Variants in CNOT9 observed in about 807,000 individuals in gnomAD.
CNOT9 encodes the protein CCR4-NOT transcription complex subunit 9.
A neutral mutation model predicts 37.4 loss-of-function variants in CNOT9; 8 were observed. The observed-to-expected ratio is 0.21, with a 90% CI of 0.13 to 0.39. CNOT9 has a LOEUF of 0.39. Among genes scored for constraint, CNOT9 ranks in the 10% least tolerant of loss-of-function variants. The pLI is 1.00. For synonymous variants in CNOT9, 120 were observed against 137.6 expected (o/e 0.87, Z 0.90); for missense variants, 154 against 365.3 (o/e 0.42, Z 4.71).
rs139982727 is a variant in CNOT9, at chr2:218,593,842, A to C, written c.732-266A>C. ...TTTAATAAATCAGAAAGCTGTTTGA[A>C]TGGAAGTAAACTATTGAACCTTTTA... On this transcript the variant is annotated intron_variant, in intron 7 of 7. Coordinates refer to ENST00000273064, the MANE Select transcript of CNOT9 (RefSeq NM_005444.3). 7.4e-5 allele frequency: 90 copies of C among 1,215,746 alleles called. No individual in the cohort carries two copies. The African/African-American group carries it at 1.2e-3, about 17-fold the overall frequency. The allele number at this position is 1,215,746 out of a possible 1,614,324, so 75.3% of individuals were successfully genotyped here.
rs550223783 is a variant in CNOT9 at position 218,596,746 on chromosome 2, GA to G, written c.*2471del. The stretch of plus-strand genomic sequence containing the variant: ...GGCCAGAACTTAGTGCCAGTGTAGG[GA>G]GAGACTTCCATAGTGACAAGGTAAT... On this transcript the variant is annotated 3_prime_UTR_variant, in exon 8 of 8. Transcript: ENST00000273064. 12 of 152,346 alleles carry G rather than the reference GA, an allele frequency of 7.9e-5. No homozygotes were observed. Among genetic ancestry groups the G allele is most frequent in the African/African-American group, 2.6e-4 (11 of 41,578 alleles). 9.4% of individuals were successfully genotyped at this position (152,346 alleles called of 1,614,324 possible). A position where few individuals can be genotyped will look rare whatever the true frequency, so the allele number is the denominator to read the frequency against.
intron 4 of CNOT9, among the ~76,000 whole-genome samples, chr2:218,585,574 C>CA (rs35720728): frequency 0.67 from 94,040 of 141,014 alleles, 31,126 homozygotes; most frequent in East Asian, 0.89. Flanking sequence ...GAGGGAGACT[C>CA]AAAAAAAAAA....
intron 1 of CNOT9, among the ~76,000 whole-genome samples, chr2:218,575,715 T>A (rs1286549023): frequency 6.6e-6 from 1 of 152,148 alleles, no homozygotes; most frequent in African/African-American, 2.4e-5. Context: ...ATTTGATTCT[T>A]AAAGGGTCTG....
chr2:218,576,876 AGAACCGCTT>A (rs1694187375), intron 1 of CNOT9, among the ~76,000 whole-genome samples: 1 of 152,088 alleles, frequency 6.6e-6, no homozygotes, highest in African/African-American at 2.4e-5. Flanking sequence ...CTGAGGCAGA[AGAACCGCTT>A]GAACCTGGGA....
In CNOT9 at chr2:218,573,318, TAA is replaced by T. The variant is rs34596336; in HGVS notation, c.24+4359_24+4360del. On this transcript the variant is annotated intron_variant, in intron 1 of 7. Transcript: ENST00000273064. ...GGGCAACAAGAGCGAAACTCCATCT[TAA>T]AAAAAAAAAAAAAAAAAAGATACAT... is the stretch of plus-strand genomic sequence containing the variant. Among the ~76,000 whole-genome samples, 1,168 of 132,824 alleles carry T rather than the reference TAA, an allele frequency of 8.8e-3. 14 individuals are homozygous for T. Among genetic ancestry groups the T allele is most frequent in the South Asian group, 0.031 (127 of 4,128 alleles). The allele number at this position is 132,824 out of a possible 152,430, so 87.1% of individuals were successfully genotyped here.
rs533478770 is a variant in CNOT9 at position 218,576,137 on chromosome 2, C to G, written c.25-4424C>G. Among the ~76,000 whole-genome samples, 488 of 152,282 alleles carry G rather than the reference C, an allele frequency of 3.2e-3. 1 individual carries two copies. The highest frequency in any genetic ancestry group is 0.011 in the African/African-American group (469 of 41,542). On this transcript the variant is annotated intron_variant, in intron 1 of 7. Transcript: ENST00000273064. ...CCGTACCCCTTCTTCTACTGCCCGC[C>G]TCCTTTTAAAAAGATGTCAATTACA...
intron 1 of CNOT9, among the ~76,000 whole-genome samples, chr2:218,575,190 A>G (rs562579686): frequency 2.0e-5 from 3 of 152,264 alleles, no homozygotes; most frequent in Non-Finnish European, 2.9e-5. Context: ...TGTTCCAATT[A>G]TATACACATG....
intron 1 of CNOT9, among the ~76,000 whole-genome samples, chr2:218,577,755 T>C (rs904350279): frequency 2.0e-5 from 3 of 152,100 alleles, no homozygotes; most frequent in Non-Finnish European, 4.4e-5. Context: ...CTGGCTCCAG[T>C]AGGGATGATG....
chr2:218,579,146 TAAAA>T (rs997775077), intron 1 of CNOT9, among the ~76,000 whole-genome samples: 1 of 152,158 alleles, frequency 6.6e-6, no homozygotes, highest in Non-Finnish European at 1.5e-5. Flanking sequence ...TATGGTTTTT[TAAAA>T]AAAGTTTATG....
At chr2:218,575,627 A>G (rs113112327) in intron 1 of CNOT9, among the ~76,000 whole-genome samples, 6,926 of 150,926 alleles carry the variant, frequency 0.046, 437 homozygotes, top group African/African-American at 0.15. Flanking sequence ...ATGGTCTCAC[A>G]CTCCTGACCT....
intron 7 of CNOT9, chr2:218,593,904 A>G (rs917808685): frequency 9.9e-7 from 1 of 1,014,654 alleles, no homozygotes; most frequent in Admixed American, 3.4e-5. Flanking sequence ...TTGGGGCATC[A>G]TTCAGAAAAT....
intron 1 of CNOT9, among the ~76,000 whole-genome samples, chr2:218,576,367 A>G (rs1694167765): frequency 6.6e-6 from 1 of 152,204 alleles, no homozygotes; most frequent in African/African-American, 2.4e-5. Context: ...TGTGTTACAA[A>G]ATTGCTTGTT....
chr2:218,580,775 T>C lies in CNOT9; in HGVS notation c.204+35T>C, dbSNP rs1442745481. The C allele has an allele frequency of 1.9e-6, 3 of 1,570,614 alleles. No homozygotes were observed. The South Asian group carries it at 3.4e-5, about 18-fold the overall frequency. On this transcript the variant is annotated intron_variant, in intron 2 of 7. Transcript: ENST00000273064. Reference sequence around the variant, plus strand: ...TGTCCATGATTGGCAGTTCAGTTCTTTTCATTACACTTGTATATTTCTTTA... The same window carrying C: ...TGTCCATGATTGGCAGTTCAGTTCTCTTCATTACACTTGTATATTTCTTTA...
chr2:218,572,589 C>T, intron 1 of CNOT9: 3 of 657,062 alleles, frequency 4.6e-6, no homozygotes, highest in Non-Finnish European at 5.7e-6. Context: ...CATGATCATG[C>T]TACCGCACTT....
chr2:218,584,849 C>G (rs1237967247), intron 4 of CNOT9, 128 bp downstream of exon 4: 1 of 704,932 alleles, frequency 1.4e-6, no homozygotes, highest in African/African-American at 1.7e-5. Context: ...TTGTCTCATT[C>G]ACTAATCAAT....
chr2:218,576,086 A>G (rs947106268), intron 1 of CNOT9, among the ~76,000 whole-genome samples: 1 of 152,202 alleles, frequency 6.6e-6, no homozygotes, highest in African/African-American at 2.4e-5. Context: ...AAGGTGGTAC[A>G]ACAGAACTAA....
chr2:218,583,101 T>TTTACCTGGGG lies in CNOT9; in HGVS notation c.320+15_320+16insTTACCTGGGG, dbSNP rs1234679543. On this transcript the variant is annotated intron_variant, in intron 3 of 7. Transcript: ENST00000273064. ...CCAGAAACCAGGTAAATGCTTTGGG[T>TTTACCTGGGG]GAGTCACTTGGGGGAGATATACATT... is the stretch of plus-strand genomic sequence containing the variant. 16 of 1,529,632 alleles carry TTTACCTGGGG rather than the reference T, an allele frequency of 1.0e-5. No homozygotes were observed. Among genetic ancestry groups the TTTACCTGGGG allele is most frequent in the Non-Finnish European group, 1.4e-5 (16 of 1,103,914 alleles). The allele number at this position is 1,529,632 out of a possible 1,614,324, so 94.8% of individuals were successfully genotyped here.
intron 2 of CNOT9, 172 bp downstream of exon 2, chr2:218,580,912 A>G (rs1237542599): frequency 1.4e-6 from 1 of 701,442 alleles, no homozygotes; most frequent in Non-Finnish European, 2.5e-6. Flanking sequence ...AGATTCTTGG[A>G]TCCTTACCCA....
chr2:218,574,052 C>G (rs1436516300), intron 1 of CNOT9: 4 of 431,188 alleles, frequency 9.3e-6, no homozygotes, highest in Non-Finnish European at 1.9e-5. Context: ...TCACCGCAAC[C>G]TCGACCTTCT....
Sources: gnomAD v4.1 joint callset for allele counts (sites outside exome capture counted in the v4.1 genomes callset) on GRCh38, gnomAD v4.1.1 for gene constraint, MANE v1.5 for transcripts, NCBI Gene and HGNC (gene_info 2026-07-23, HGNC 2026-07-21) for gene names.